Variants in NETO2 observed in about 807,000 individuals in gnomAD.
NETO2 encodes the protein neuropilin and tolloid like 2, also known as neuropilin and tolloid-like protein 2.
NETO2 carries 28 observed loss-of-function variants against 62.5 expected under a neutral mutation model. The ratio of observed to expected loss-of-function variants is 0.45; its 90% confidence interval spans 0.33 to 0.61. The LOEUF is 0.61. NETO2 is among the 20% of genes least tolerant of loss of function. The pLI is 0.02. For synonymous variants in NETO2, 214 were observed against 219.1 expected (o/e 0.98, Z 0.21); for missense variants, 548 against 643.2 (o/e 0.85, Z 1.60).
intron 1 of NETO2, among the ~76,000 whole-genome samples, chr16:47,136,695 C>G (rs970419589): frequency 2.6e-5 from 4 of 152,126 alleles, no homozygotes; most frequent in African/African-American, 9.7e-5. Flanking sequence ...CATGAGTCAC[C>G]ACACCCAGCC....
intron 2 of NETO2, among the ~76,000 whole-genome samples, chr16:47,129,875 A>G (rs1228207615): frequency 6.6e-6 from 1 of 152,230 alleles, no homozygotes; most frequent in African/African-American, 2.4e-5. Context: ...AAACTCTTAA[A>G]CAGAGAGGGG....
At chr16:47,120,640 T>C (rs181060203) in intron 6 of NETO2, among the ~76,000 whole-genome samples, 16 of 152,362 alleles carry the variant, frequency 1.1e-4, no homozygotes, top group Admixed American at 7.8e-4. Context: ...CCCCACATCC[T>C]GGCCACTGCC....
intron 2 of NETO2, 135 bp downstream of exon 2, chr16:47,131,834 G>A: frequency 1.4e-6 from 1 of 706,140 alleles, no homozygotes; most frequent in South Asian, 1.5e-5. Flanking sequence ...TGAGGCTGAT[G>A]GGTTGACAGA....
chr16:47,102,089 T>C (rs1201111812), intron 7 of NETO2, among the ~76,000 whole-genome samples: 5 of 152,156 alleles, frequency 3.3e-5, no homozygotes, highest in Non-Finnish European at 7.3e-5. Context: ...AACAGATACA[T>C]GGACCAATGG....
At position 47,082,561 on chromosome 16, in the gene NETO2, C is replaced by T. The variant is rs1412688185; in HGVS notation, c.*660G>A. 9 of 152,266 alleles carry T rather than the reference C, an allele frequency of 5.9e-5. No individual in the cohort carries two copies. Among genetic ancestry groups the T allele is most frequent in the Admixed American group, 5.9e-4 (9 of 15,292 alleles). 9.4% of individuals were successfully genotyped at this position (152,266 alleles called of 1,614,324 possible). A position where few individuals can be genotyped will look rare whatever the true frequency, so the allele number is the denominator to read the frequency against. ...ATTGAAAGGTAATAAATCATATCATCTATTATTTCTCACAGAAAATAAGGA... is the reference window on the plus strand; with the variant it reads ...ATTGAAAGGTAATAAATCATATCATTTATTATTTCTCACAGAAAATAAGGA... On this transcript the variant is annotated 3_prime_UTR_variant, in exon 9 of 9. Coordinates refer to ENST00000562435, the MANE Select transcript of NETO2 (RefSeq NM_018092.5).
chr16:47,112,836 G>A lies in NETO2; in HGVS notation c.655-3125C>T, dbSNP rs9935579. Among the ~76,000 whole-genome samples the A allele has an allele frequency of 4.8e-3, 729 of 152,160 alleles. 5 individuals carry two copies. The highest frequency in any genetic ancestry group is 0.017 in the African/African-American group (692 of 41,500). On this transcript the variant is annotated intron_variant, in intron 6 of 8. Transcript: ENST00000562435. ...GTGAATATGGAATTATCTTTTCAAG[G>A]AATATTTCAATGAAGAATGAGATCT... is the stretch of plus-strand genomic sequence containing the variant.
intron 1 of NETO2, among the ~76,000 whole-genome samples, chr16:47,138,115 C>T (rs976862887): frequency 4.6e-5 from 7 of 152,164 alleles, no homozygotes; most frequent in African/African-American, 1.7e-4. Context: ...AAAACACTTG[C>T]CCAGGGCCAG....
rs996231923 is a variant in NETO2, at chr16:47,112,350, CTTT to C, written c.655-2642_655-2640del. On this transcript the variant is annotated intron_variant, in intron 6 of 8. Transcript: ENST00000562435. ...TCTTAAATAAAACCATCTATTTACA[CTTT>C]TTTGTTTGTTTGTTTTCTTTTTTTA... is the stretch of plus-strand genomic sequence containing the variant. 4.6e-5 allele frequency among the ~76,000 whole-genome samples: 7 copies of C among 152,256 alleles called. No homozygotes were observed. In the East Asian group the frequency reaches 1.2e-3, roughly 25 times the overall value.
Position 47,082,758 on chromosome 16 carries a change from G to C in NETO2, c.*463C>G, listed in dbSNP as rs1178979151. 1 of 154,610 alleles carries C rather than the reference G, an allele frequency of 6.5e-6. No homozygotes were observed. Among genetic ancestry groups the C allele is most frequent in the African/African-American group, 2.4e-5 (1 of 41,444 alleles). The allele number at this position is 154,610 out of a possible 1,614,324, so 9.6% of individuals were successfully genotyped here. On this transcript the variant is annotated 3_prime_UTR_variant, in exon 9 of 9. Transcript: ENST00000562435. ...ACATTAACCACTTGTACTTATGTAA[G>C]AAAATGAAATGGTAAAACGATAGGC...
rs567074745 is a variant in NETO2 at position 47,080,519 on chromosome 16, T to G, written c.*2702A>C. 3 of 152,380 alleles carry G rather than the reference T, an allele frequency of 2.0e-5. No homozygotes were observed. The highest frequency in any genetic ancestry group is 6.5e-5 in the Admixed American group (1 of 15,308). 9.4% of individuals were successfully genotyped at this position (152,380 alleles called of 1,614,324 possible). A position where few individuals can be genotyped will look rare whatever the true frequency, so the allele number is the denominator to read the frequency against. On this transcript the variant is annotated 3_prime_UTR_variant, in exon 9 of 9. Coordinates refer to ENST00000562435, the MANE Select transcript of NETO2 (RefSeq NM_018092.5). ...GATCTCAAAGATTAAAGGCTGTATA[T>G]ACAGCAATTAGCATTATTCTGGCAA...
At chr16:47,112,239 A>G (rs1043224558) in intron 6 of NETO2, among the ~76,000 whole-genome samples, 1 of 151,998 alleles carries the variant, frequency 6.6e-6, no homozygotes, top group Non-Finnish European at 1.5e-5. Context: ...TTATAAATGG[A>G]TATTTTTCTT....
chr16:47,109,930 T>C (rs1039832703), intron 6 of NETO2, among the ~76,000 whole-genome samples: 2 of 152,214 alleles, frequency 1.3e-5, no homozygotes, highest in Non-Finnish European at 2.9e-5. Flanking sequence ...ACTTACTTTG[T>C]GTTTTGTCTA....
chr16:47,128,575 T>A lies in NETO2; in HGVS notation c.233-2A>T. On this transcript the variant is annotated splice_acceptor_variant, in intron 3 of 8. Transcript: ENST00000562435. LOFTEE classifies it high-confidence loss of function. ...ACTCTATTCTTTGACGTGGAGCAGC[T>A]AGAAAATAAGAGTAAGCAAATCAGG... 6.2e-7 allele frequency: 1 copy of A among 1,609,450 alleles called. No individual in the cohort carries two copies. Among genetic ancestry groups the A allele is most frequent in the East Asian group, 2.2e-5 (1 of 44,840 alleles).
intron 6 of NETO2, among the ~76,000 whole-genome samples, chr16:47,117,931 A>AT (rs1459115152): frequency 2.0e-5 from 3 of 152,064 alleles, no homozygotes; most frequent in Non-Finnish European, 4.4e-5. Flanking sequence ...TATTAAAAAC[A>AT]TTTTTTTAAA....
At chr16:47,142,212 A>C (rs1009030783) in intron 1 of NETO2, among the ~76,000 whole-genome samples, 10 of 152,250 alleles carry the variant, frequency 6.6e-5, no homozygotes, top group Non-Finnish European at 1.3e-4. Context: ...TGAAAGCCAC[A>C]GGATGAATTT....
At chr16:47,140,154 C>T (rs1360921920) in intron 1 of NETO2, among the ~76,000 whole-genome samples, 1 of 152,190 alleles carries the variant, frequency 6.6e-6, no homozygotes, top group Non-Finnish European at 1.5e-5. Flanking sequence ...CCACCAATCA[C>T]AGCAACTCTG....
intron 7 of NETO2, among the ~76,000 whole-genome samples, chr16:47,094,927 C>T (rs1963399939): frequency 6.6e-6 from 1 of 152,024 alleles, no homozygotes; most frequent in African/African-American, 2.4e-5. Flanking sequence ...GCAGGCTGGT[C>T]TCAAACTCCT....
intron 7 of NETO2, among the ~76,000 whole-genome samples, chr16:47,092,211 G>T (rs896880712): frequency 6.6e-6 from 1 of 152,062 alleles, no homozygotes. Context: ...GAAAGGACGC[G>T]ATATGTGGAC....
At chr16:47,117,839 C>G (rs939387882) in intron 6 of NETO2, among the ~76,000 whole-genome samples, 1 of 152,036 alleles carries the variant, frequency 6.6e-6, no homozygotes, top group African/African-American at 2.4e-5. Context: ...GTAATCCTAG[C>G]AGTTTGGAAG....
Sources: allele counts gnomAD v4.1 joint callset (sites outside exome capture counted in the v4.1 genomes callset), GRCh38; gene constraint gnomAD v4.1.1; transcripts MANE v1.5; gene names NCBI Gene and HGNC (gene_info 2026-07-23, HGNC 2026-07-21).